The following ZBED6 variants were observed in gnomAD, a reference collection of about 807,000 sequenced individuals.
ZBED6 encodes zinc finger BED domain-containing protein 6.
In ZBED6, 40 loss-of-function variants were observed where a neutral mutation model predicts 58.4. The ratio of observed to expected loss-of-function variants is 0.68; its 90% CI spans 0.53 to 0.89. The LOEUF is 0.89. Among genes scored for constraint, ZBED6 ranks in the 40% least tolerant of loss-of-function variants. The probability of loss-of-function intolerance (pLI) is 0.00; values close to 1 mark genes in which losing one functional copy is unlikely to be tolerated. For synonymous variants in ZBED6, 439 were observed against 350.6 expected (o/e 1.25, Z -2.82); for missense variants, 1,057 against 1,003.9 (o/e 1.05, Z -0.71).
chr1:203,796,000 G>GCTCCCGCTCACTTTTCCCATC (rs1668317838), exon 1 of ZBED6: 1 of 152,310 alleles, frequency 6.6e-6, no homozygotes, highest in African/African-American at 2.5e-5. Flanking sequence ...GGAGCCCCAG[G>GCTCCCGCTCACTTTTCCCATC]CTCCCGCTCA....
At chr1:203,822,345 A>G (rs1679060853) in intron 3 of ZBED6, among the ~76,000 whole-genome samples, 1 of 151,934 alleles carries the variant, frequency 6.6e-6, no homozygotes, top group Non-Finnish European at 1.5e-5. Flanking sequence ...TTTCAACTCT[A>G]GTACTCTGTG....
At chr1:203,840,641 A>AT (rs1404527265) in intron 11 of ZBED6, among the ~76,000 whole-genome samples, 8 of 141,342 alleles carry the variant, frequency 5.7e-5, no homozygotes, top group African/African-American at 2.1e-4. Flanking sequence ...TATTTATTTT[A>AT]TTTATTTTTG....
chr1:203,833,581 G>A (rs1425251231), intron 8 of ZBED6, among the ~76,000 whole-genome samples: 1 of 148,402 alleles, frequency 6.7e-6, no homozygotes, highest in Non-Finnish European at 1.5e-5. Context: ...CTTCTGTTTA[G>A]GCTGTATGTT....
intron 1 of ZBED6, among the ~76,000 whole-genome samples, chr1:203,812,578 A>ATT (rs386369376): frequency 0.54 from 58,558 of 109,380 alleles, 16,558 homozygotes; most frequent in Non-Finnish European, 0.62. Flanking sequence ...GCCATTCTAA[A>ATT]TTTTTTTTTT....
intron 16 of ZBED6, 142 bp downstream of exon 16, chr1:203,851,266 A>G (rs772114581): frequency 7.3e-5 from 55 of 753,184 alleles, no homozygotes; most frequent in Non-Finnish European, 1.1e-4. Flanking sequence ...AAGTATGAAA[A>G]TCTAGGGTTG....
chr1:203,805,618 G>A, intron 1 of ZBED6: 1 of 673,520 alleles, frequency 1.5e-6, no homozygotes, highest in South Asian at 1.4e-5. Context: ...AAATGCAAAT[G>A]TATGAAGCAG....
At chr1:203,798,490 A>G in exon 1 of ZBED6, 2 of 1,536,150 alleles carry the variant, frequency 1.3e-6, no homozygotes, top group Non-Finnish European at 1.7e-6. Context: ...GTTGCCAACA[A>G]AGACAGTGGT....
At chr1:203,800,472 C>T (rs1316839662) in exon 1 of ZBED6, 1 of 1,470,626 alleles carries the variant, frequency 6.8e-7, no homozygotes, top group African/African-American at 1.4e-5. Context: ...ATTTCTTTTT[C>T]TCCATTTAAA....
exon 1 of ZBED6, chr1:203,798,027 A>G: frequency 6.5e-7 from 1 of 1,533,802 alleles, no homozygotes; most frequent in Non-Finnish European, 8.7e-7. Flanking sequence ...CCATCTTGGT[A>G]CATCTACTCT....
chr1:203,797,730 A>G (rs1414712879), exon 1 of ZBED6: 2 of 1,535,418 alleles, frequency 1.3e-6, no homozygotes, highest in Admixed American at 2.0e-5. Flanking sequence ...GGGTTTGCGA[A>G]TTAAGGGGAA....
exon 5 of ZBED6, chr1:203,829,631 C>T: frequency 6.2e-7 from 1 of 1,614,174 alleles, no homozygotes; most frequent in East Asian, 2.2e-5. Flanking sequence ...ATTAATGCTG[C>T]AGATGATGAT....
intron 3 of ZBED6, among the ~76,000 whole-genome samples, chr1:203,820,108 G>A (rs990360038): frequency 1.4e-4 from 22 of 151,806 alleles, no homozygotes; most frequent in Admixed American, 9.2e-4. Context: ...GGTGGCACGC[G>A]TCTGTAATCC....
In ZBED6 at chr1:203,799,882, A is replaced by T. The variant is rs1443933725; in HGVS notation, c.2360A>T (p.Asp787Val). The stretch of plus-strand genomic sequence containing the variant: ...GAAGACTTTTTTCCTCAAGGTGCTG[A>T]TTTAGAAACTTATAAGCAGTTCCTT... The change falls in exon 1 of 17, where the codon GAT becomes GTT. Residue 787 changes from aspartate (D) to valine (V), a missense_variant. Transcript: ENST00000550078. 3 of 1,536,002 alleles carry T rather than the reference A, an allele frequency of 2.0e-6. No homozygotes were observed. The East Asian group carries it at 7.3e-5, about 38-fold the overall frequency.
chr1:203,830,714 C>T (rs150405911), intron 7 of ZBED6, among the ~76,000 whole-genome samples: 2,954 of 151,936 alleles, frequency 0.019, 99 homozygotes, highest in African/African-American at 0.063. Context: ...GAGGCTGAGG[C>T]ATGAGAATTG....
chr1:203,825,428 ATTTTTTTTTTTTTTT>A (rs59157538), intron 3 of ZBED6, among the ~76,000 whole-genome samples: 1 of 81,624 alleles, frequency 1.2e-5, no homozygotes, highest in African/African-American at 5.1e-5. Flanking sequence ...ACTGTGGAGG[ATTTTTTTTTTTTTTT>A]TTTTTTTTTG....
exon 16 of ZBED6, chr1:203,851,097 T>G (rs1190707741): frequency 6.2e-7 from 1 of 1,614,226 alleles, no homozygotes. Context: ...TCAGTCACTG[T>G]GCCTGAAGCA....
At position 203,830,216 on chromosome 1, in the gene ZBED6, G is replaced by A. The variant is rs1408986636; in HGVS notation, c.*3399+13G>A. 3.4e-5 allele frequency: 54 copies of A among 1,579,740 alleles called. No homozygotes were observed. The highest frequency in any genetic ancestry group is 2.2e-4 in the Admixed American group (11 of 51,154). ...AAGAAGCAAGGTGGTAAGTCATCAC[G>A]TTTTGGCATGGATAGTTGTATGTTG... On this transcript the variant is annotated intron_variant, in intron 7 of 16. Coordinates refer to ENST00000550078, the Ensembl canonical transcript of ZBED6.
intron 8 of ZBED6, among the ~76,000 whole-genome samples, chr1:203,833,356 C>G (rs1417254608): frequency 8.7e-6 from 1 of 115,312 alleles, no homozygotes; most frequent in South Asian, 3.0e-4. Flanking sequence ...CAGAGTGAGA[C>G]TCTGTCTCAA....
chr1:203,829,583 C>G, exon 5 of ZBED6: 1 of 1,614,090 alleles, frequency 6.2e-7, no homozygotes, highest in Non-Finnish European at 8.5e-7. Flanking sequence ...GTAGAAAGTT[C>G]CGAAAATGTT....
Sources: gnomAD v4.1 joint callset for allele counts (sites outside exome capture counted in the v4.1 genomes callset) on GRCh38, gnomAD v4.1.1 for gene constraint, MANE v1.5 for transcripts, NCBI Gene and HGNC (gene_info 2026-07-23, HGNC 2026-07-21) for gene names.